The following CDH13 variants were observed in gnomAD, a reference collection of about 807,000 sequenced individuals.
The protein encoded by CDH13 is cadherin 13, also known as cadherin-13.
In CDH13, 24 loss-of-function variants were observed where a neutral mutation model predicts 63.8. The observed-to-expected ratio is 0.38, with a 90% CI of 0.27 to 0.53. CDH13 has a LOEUF of 0.53. CDH13 is among the 20% of genes least tolerant of loss of function. CDH13 has a pLI of 0.85. For missense variants in CDH13, 1,049 were observed against 903.1 expected, an observed-to-expected ratio of 1.16 and a Z score of -2.07; for synonymous variants, 503 against 355.3, an observed-to-expected ratio of 1.42 and a Z score of -4.67.
At chr16:83,175,618 C>T (rs2038089882) in intron 4 of CDH13, among the ~76,000 whole-genome samples, 1 of 151,998 alleles carries the variant, frequency 6.6e-6, no homozygotes, top group African/African-American at 2.4e-5. Flanking sequence ...TAGCCTTGAC[C>T]AGCACACTTG....
At chr16:83,513,251 C>G (rs1358139706) in intron 7 of CDH13, among the ~76,000 whole-genome samples, 1 of 152,156 alleles carries the variant, frequency 6.6e-6, no homozygotes, top group Non-Finnish European at 1.5e-5. Flanking sequence ...GAGTTCACAT[C>G]TGAGTCAGCC....
At position 83,799,484 on chromosome 16, in the gene CDH13, T is replaced by C. The variant is rs1252867699; in HGVS notation, c.*4454T>C. 5 of 152,116 alleles carry C rather than the reference T, an allele frequency of 3.3e-5. No individual in the cohort carries two copies. Among genetic ancestry groups the C allele is most frequent in the African/African-American group, 1.2e-4 (5 of 41,414 alleles). The allele number at this position is 152,116 out of a possible 1,614,324, so 9.4% of individuals were successfully genotyped here. ...AAATTCTAAAGGATCTCTAAGTAGT[T>C]GCTGATTTTGTAAAGGTAGCCCATA... On this transcript the variant is annotated 3_prime_UTR_variant, in exon 14 of 14. Coordinates refer to ENST00000567109, the MANE Select transcript of CDH13 (RefSeq NM_001257.5).
chr16:82,998,961 T>C (rs1238795285), intron 2 of CDH13, among the ~76,000 whole-genome samples: 5 of 151,884 alleles, frequency 3.3e-5, no homozygotes, highest in Admixed American at 6.6e-5. Flanking sequence ...CGCTGTAATT[T>C]TCCTTACGCA....
At chr16:83,749,826 C>G (rs965086278) in intron 11 of CDH13, among the ~76,000 whole-genome samples, 8 of 152,178 alleles carry the variant, frequency 5.3e-5, no homozygotes, top group African/African-American at 1.9e-4. Flanking sequence ...AGAGAAGCCC[C>G]TGTCCAGCCT....
At chr16:83,674,542 A>T (rs1042630280) in intron 9 of CDH13, among the ~76,000 whole-genome samples, 7 of 152,364 alleles carry the variant, frequency 4.6e-5, no homozygotes, top group Non-Finnish European at 1.5e-5. Flanking sequence ...AGAAAGTCCA[A>T]ATCTGGCCTT....
At chr16:82,845,313 A>AT (rs1410302257) in intron 1 of CDH13, among the ~76,000 whole-genome samples, 1 of 152,186 alleles carries the variant, frequency 6.6e-6, no homozygotes, top group East Asian at 1.9e-4. Flanking sequence ...CCATAGGAGC[A>AT]TTAACTCCCC....
chr16:83,320,336 A>G (rs368020679), intron 5 of CDH13, among the ~76,000 whole-genome samples: 1 of 152,100 alleles, frequency 6.6e-6, no homozygotes. Flanking sequence ...GTGAGTCACA[A>G]TGCCCAGCAT....
At chr16:83,077,937 G>A (rs1049308546) in intron 3 of CDH13, among the ~76,000 whole-genome samples, 9 of 152,198 alleles carry the variant, frequency 5.9e-5, no homozygotes, top group South Asian at 2.1e-4. Context: ...TTTAATTTGC[G>A]TTACCCTAAC....
At chr16:82,793,755 C>G (rs1597603816) in intron 1 of CDH13, among the ~76,000 whole-genome samples, 1 of 152,160 alleles carries the variant, frequency 6.6e-6, no homozygotes, top group South Asian at 2.1e-4. Context: ...GCTCCCCAAG[C>G]TCTGAATGAG....
chr16:83,436,989 T>C (rs1036254776), intron 6 of CDH13, among the ~76,000 whole-genome samples: 2 of 152,208 alleles, frequency 1.3e-5, no homozygotes, highest in African/African-American at 4.8e-5. Context: ...TCTTTCTTGA[T>C]TTTGGTGCTT....
intron 6 of CDH13, among the ~76,000 whole-genome samples, chr16:83,383,520 A>G (rs1407297493): frequency 6.6e-6 from 1 of 152,000 alleles, no homozygotes; most frequent in African/African-American, 2.4e-5. Context: ...CTCCTTGTAC[A>G]TTTATGGTTG....
At chr16:82,751,565 C>G (rs546446855) in intron 1 of CDH13, among the ~76,000 whole-genome samples, 19 of 152,070 alleles carry the variant, frequency 1.2e-4, no homozygotes, top group Non-Finnish European at 2.5e-4. Flanking sequence ...AACCCACATG[C>G]AGAATTATAG....
At chr16:82,968,936 A>G (rs543282852) in intron 2 of CDH13, among the ~76,000 whole-genome samples, 1 of 152,128 alleles carries the variant, frequency 6.6e-6, no homozygotes, top group Non-Finnish European at 1.5e-5. Flanking sequence ...CCTGGACAAC[A>G]TGGAAAAACC....
At chr16:83,045,936 G>A (rs545819364) in intron 3 of CDH13, among the ~76,000 whole-genome samples, 4 of 152,330 alleles carry the variant, frequency 2.6e-5, no homozygotes, top group African/African-American at 9.6e-5. Context: ...ACATCCTCCA[G>A]TCTACCCATG....
chr16:82,702,253 C>T (rs1029201755), intron 1 of CDH13, among the ~76,000 whole-genome samples: 12 of 152,154 alleles, frequency 7.9e-5, no homozygotes, highest in Admixed American at 2.6e-4. Context: ...CCCCAAAAAG[C>T]CTCCTTAAAC....
At chr16:83,394,354 T>C (rs1483504258) in intron 6 of CDH13, among the ~76,000 whole-genome samples, 1 of 151,868 alleles carries the variant, frequency 6.6e-6, no homozygotes, top group African/African-American at 2.4e-5. Context: ...AAAGCAATAT[T>C]TGAACACAGC....
intron 8 of CDH13, among the ~76,000 whole-genome samples, chr16:83,631,829 T>C (rs1400986289): frequency 1.3e-5 from 2 of 152,216 alleles, no homozygotes; most frequent in African/African-American, 4.8e-5. Context: ...TGTTGTGGGA[T>C]AAGGGGCCCT....
At chr16:83,653,823 G>A (rs1251574251) in intron 8 of CDH13, among the ~76,000 whole-genome samples, 1 of 152,250 alleles carries the variant, frequency 6.6e-6, no homozygotes, top group South Asian at 2.1e-4. Context: ...GACAGAAGGG[G>A]CCTCCTATGG....
At chr16:82,946,380 G>A (rs776254194) in intron 2 of CDH13, among the ~76,000 whole-genome samples, 18 of 152,112 alleles carry the variant, frequency 1.2e-4, no homozygotes, top group Admixed American at 3.9e-4. Flanking sequence ...TGATAGTCAA[G>A]CACCCTGATT....
Sources: allele counts gnomAD v4.1 joint callset (sites outside exome capture counted in the v4.1 genomes callset), GRCh38; gene constraint gnomAD v4.1.1; transcripts MANE v1.5; gene names NCBI Gene and HGNC (gene_info 2026-07-23, HGNC 2026-07-21).